FRMPD4: variants seen among roughly 807,000 people sequenced by gnomAD.
FRMPD4 encodes the protein FERM and PDZ domain-containing protein 4.
Under a neutral mutation model 94.1 loss-of-function variants are expected in FRMPD4, and 22 were observed. The observed-to-expected ratio is 0.23, with a 90% CI of 0.17 to 0.33. The LOEUF is 0.33. FRMPD4 is among the 10% of genes least tolerant of loss of function. The pLI is 1.00. For missense variants in FRMPD4, 1,111 were observed against 1,339.9 expected (o/e 0.83, Z 2.67); for synonymous variants, 631 against 548.6 (o/e 1.15, Z -2.10).
chrX:12,179,041 C>T (rs753377686), intron 1 of FRMPD4, among the ~76,000 whole-genome samples: 1 of 111,990 alleles, frequency 8.9e-6, no homozygotes, highest in Non-Finnish European at 1.9e-5. Flanking sequence ...ACTCATCTGT[C>T]TGCATTCATC....
intron 1 of FRMPD4, among the ~76,000 whole-genome samples, chrX:12,199,267 G>GTGTGTA (rs59345526): frequency 7.0e-4 from 70 of 99,874 alleles, no homozygotes; most frequent in African/African-American, 2.7e-3. Context: ...GTGTGTGTGT[G>GTGTGTA]TGTATGTGTG....
At chrX:12,074,210 C>G (rs756688912) in intron 3 of FRMPD4, among the ~76,000 whole-genome samples, 1 of 111,987 alleles carries the variant, frequency 8.9e-6, no homozygotes, top group Admixed American at 9.5e-5. Context: ...GATTAGATTA[C>G]TTGCTATAAA....
rs1455088567 is a variant in FRMPD4 at position 12,048,492 on chromosome X, A to T, written c.95+170474A>T. Reference sequence around the variant, plus strand: ...TTGCTGTGCAGAAAGTCTTTAGTTTAATTAGGCCCCACTTTTTTGTTTTTG... The same window carrying T: ...TTGCTGTGCAGAAAGTCTTTAGTTTTATTAGGCCCCACTTTTTTGTTTTTG... On this transcript the variant is annotated intron_variant, in intron 3 of 18. Coordinates refer to the FRMPD4 transcript ENST00000640291. Among the ~76,000 whole-genome samples, 6 of 111,841 alleles carry T rather than the reference A, an allele frequency of 5.4e-5. No homozygotes were observed. The East Asian group carries it at 1.4e-3, about 26-fold the overall frequency.
intron 1 of FRMPD4, among the ~76,000 whole-genome samples, chrX:12,264,449 CA>C (rs1390451532): frequency 1.8e-5 from 2 of 111,827 alleles, no homozygotes; most frequent in Non-Finnish European, 3.8e-5. Flanking sequence ...TCACTTTTTT[CA>C]GTTCATTGTG....
chrX:12,685,781 G>A (rs1265838085), intron 6 of FRMPD4, among the ~76,000 whole-genome samples: 1 of 111,878 alleles, frequency 8.9e-6, no homozygotes, highest in Non-Finnish European at 1.9e-5. Context: ...TGCTCAAGAC[G>A]TCCTGCCCTG....
At chrX:12,488,689 C>T (rs758566794) in intron 1 of FRMPD4, among the ~76,000 whole-genome samples, 1 of 111,020 alleles carries the variant, frequency 9.0e-6, no homozygotes, top group South Asian at 3.8e-4. Flanking sequence ...AAGTTTTGCA[C>T]AATTTGTGTA....
At chrX:12,145,223 C>G (rs993600831) in intron 1 of FRMPD4, among the ~76,000 whole-genome samples, 2 of 112,047 alleles carry the variant, frequency 1.8e-5, no homozygotes, top group Admixed American at 9.5e-5. Context: ...TTCTATTGAA[C>G]TGGCACAGTT....
chrX:12,041,932 A>G (rs1486849145), intron 3 of FRMPD4, among the ~76,000 whole-genome samples: 1 of 111,178 alleles, frequency 9.0e-6, no homozygotes, highest in African/African-American at 3.3e-5. Context: ...AATCTTGTGA[A>G]TTTTGCATTT....
At chrX:12,096,481 C>T (rs1469936986) in intron 3 of FRMPD4, among the ~76,000 whole-genome samples, 2 of 111,596 alleles carry the variant, frequency 1.8e-5, no homozygotes, top group Non-Finnish European at 3.8e-5. Flanking sequence ...CCCCCTTATC[C>T]TTGAGTAACA....
At chrX:12,394,350 C>T (rs1295065068) in intron 1 of FRMPD4, among the ~76,000 whole-genome samples, 1 of 111,773 alleles carries the variant, frequency 8.9e-6, no homozygotes, top group Non-Finnish European at 1.9e-5. Flanking sequence ...AATGGTGGCT[C>T]CTTTTCAAGG....
intron 1 of FRMPD4, among the ~76,000 whole-genome samples, chrX:12,268,707 C>G (rs1601760253): frequency 8.9e-6 from 1 of 112,239 alleles, no homozygotes; most frequent in East Asian, 2.8e-4. Context: ...GGTGCACAGC[C>G]TTCTGCAAAG....
intron 2 of FRMPD4, among the ~76,000 whole-genome samples, chrX:11,871,316 G>A (rs781159489): frequency 3.6e-5 from 4 of 111,829 alleles, no homozygotes; most frequent in Non-Finnish European, 7.5e-5. Flanking sequence ...CTCAGGGTCT[G>A]CATCTGGGGG....
At chrX:12,004,691 CTT>C (rs141975202) in intron 3 of FRMPD4, among the ~76,000 whole-genome samples, 15 of 98,858 alleles carry the variant, frequency 1.5e-4, no homozygotes, top group Admixed American at 6.6e-4. Flanking sequence ...GTCTGCTGAC[CTT>C]TTTTTTTTTT....
chrX:12,050,287 A>G (rs1211861208), intron 3 of FRMPD4, among the ~76,000 whole-genome samples: 1 of 111,420 alleles, frequency 9.0e-6, no homozygotes, highest in African/African-American at 3.3e-5. Flanking sequence ...ATTTTATTCC[A>G]TATTTTACTG....
chrX:12,634,823 T>C (rs2059427605), intron 4 of FRMPD4, among the ~76,000 whole-genome samples: 1 of 90,402 alleles, frequency 1.1e-5, no homozygotes, highest in Non-Finnish European at 2.1e-5. Context: ...AGTCCATCTC[T>C]CTTTTTTTTT....
chrX:12,701,847 C>A (rs199767940), intron 9 of FRMPD4, 27 bp from the exon 10 acceptor site: 37 of 1,205,862 alleles, frequency 3.1e-5, no homozygotes, highest in Non-Finnish European at 3.9e-5. Flanking sequence ...CTTTGACAAG[C>A]TGTGCCCCCT....
At chrX:12,389,816 A>G (rs780850091) in intron 1 of FRMPD4, among the ~76,000 whole-genome samples, 4 of 111,783 alleles carry the variant, frequency 3.6e-5, no homozygotes, top group Admixed American at 1.9e-4. Flanking sequence ...ACTATCCCGT[A>G]TGTTTCCTCA....
At chrX:12,369,170 GT>G (rs773091261) in intron 1 of FRMPD4, among the ~76,000 whole-genome samples, 1 of 109,326 alleles carries the variant, frequency 9.1e-6, no homozygotes, top group African/African-American at 3.3e-5. Flanking sequence ...TCTGCTGTAT[GT>G]AAGGGCATTT....
At chrX:12,012,462 C>A (rs1190891558) in intron 3 of FRMPD4, among the ~76,000 whole-genome samples, 2 of 111,773 alleles carry the variant, frequency 1.8e-5, no homozygotes, top group African/African-American at 3.3e-5. Flanking sequence ...TCCTTGCTCC[C>A]TTTTGTTCAT....
Sources: gnomAD v4.1 joint callset for allele counts (sites outside exome capture counted in the v4.1 genomes callset) on GRCh38, gnomAD v4.1.1 for gene constraint, MANE v1.5 for transcripts, NCBI Gene and HGNC (gene_info 2026-07-23, HGNC 2026-07-21) for gene names.